The following ZDHHC2 variants were observed in gnomAD, a reference collection of about 807,000 sequenced individuals.
ZDHHC2 encodes palmitoyltransferase ZDHHC2.
A neutral mutation model predicts 55.6 loss-of-function variants in ZDHHC2; 51 were observed. The ratio of observed to expected loss-of-function variants is 0.92; its 90% CI spans 0.73 to 1.16. The LOEUF is 1.16. Among genes scored for constraint, ZDHHC2 ranks in the 50% most tolerant of loss-of-function variants. The pLI, the probability that ZDHHC2 is intolerant of heterozygous loss-of-function variation, is 0.00. For missense variants in ZDHHC2, 491 were observed against 442.4 expected, an observed-to-expected ratio of 1.11 and a Z score of -0.99; for synonymous variants, 199 against 152.9, an observed-to-expected ratio of 1.30 and a Z score of -2.22.
chr8:17,211,200 CCA>C (rs1232958938), intron 10 of ZDHHC2, among the ~76,000 whole-genome samples: 4 of 152,180 alleles, frequency 2.6e-5, no homozygotes, highest in African/African-American at 9.7e-5. Context: ...GTTTGAAACA[CCA>C]GTTTTTATAC....
intron 10 of ZDHHC2, among the ~76,000 whole-genome samples, chr8:17,214,007 G>A (rs11995192): frequency 0.16 from 24,485 of 151,972 alleles, 2,222 homozygotes; most frequent in South Asian, 0.25. Context: ...AAAAGCATAC[G>A]CATATATCCT....
chr8:17,164,936 T>C (rs1028925092), intron 1 of ZDHHC2, among the ~76,000 whole-genome samples: 37 of 152,212 alleles, frequency 2.4e-4, no homozygotes, highest in Non-Finnish European at 2.9e-5. Context: ...AAATTCAGAC[T>C]GAACTGTGTC....
intron 1 of ZDHHC2, among the ~76,000 whole-genome samples, chr8:17,165,658 TG>T (rs1379399080): frequency 1.3e-5 from 2 of 152,132 alleles, no homozygotes; most frequent in African/African-American, 4.8e-5. Flanking sequence ...CATTTCTAAT[TG>T]GGGGAAGGAA....
intron 3 of ZDHHC2, among the ~76,000 whole-genome samples, chr8:17,195,296 A>G (rs1237046125): frequency 1.3e-5 from 2 of 152,158 alleles, no homozygotes; most frequent in East Asian, 3.8e-4. Context: ...TTGTATTATG[A>G]TGATGATTAT....
intron 1 of ZDHHC2, among the ~76,000 whole-genome samples, chr8:17,163,864 C>G (rs1433207327): frequency 6.6e-6 from 1 of 152,128 alleles, no homozygotes; most frequent in Non-Finnish European, 1.5e-5. Flanking sequence ...TTTAGAAATA[C>G]TACAGAGAAT....
At chr8:17,182,527 C>T (rs1805482039) in intron 1 of ZDHHC2, among the ~76,000 whole-genome samples, 1 of 152,056 alleles carries the variant, frequency 6.6e-6, no homozygotes, top group Non-Finnish European at 1.5e-5. Flanking sequence ...CCCTTTCATT[C>T]TACAAATGTT....
intron 6 of ZDHHC2, among the ~76,000 whole-genome samples, chr8:17,202,462 C>G (rs1806838960): frequency 6.6e-6 from 1 of 152,126 alleles, no homozygotes; most frequent in Non-Finnish European, 1.5e-5. Context: ...AGTCAGAAAG[C>G]AATTGCCCAG....
intron 4 of ZDHHC2, 55 bp from the exon 5 acceptor site, chr8:17,197,527 T>C (rs1806380760): frequency 1.4e-6 from 2 of 1,419,970 alleles, no homozygotes; most frequent in African/African-American, 1.4e-5. Flanking sequence ...AGCCATTTAA[T>C]TGTATTTTCA....
At chr8:17,196,687 G>A (rs1806330216) in intron 4 of ZDHHC2, among the ~76,000 whole-genome samples, 1 of 151,994 alleles carries the variant, frequency 6.6e-6, no homozygotes, top group African/African-American at 2.4e-5. Context: ...TGGATCACCT[G>A]AGGTCAGGAG....
At chr8:17,197,901 G>C (rs1249665308) in intron 5 of ZDHHC2, among the ~76,000 whole-genome samples, 1 of 152,152 alleles carries the variant, frequency 6.6e-6, no homozygotes, top group Non-Finnish European at 1.5e-5. Flanking sequence ...TGACTTGGCT[G>C]GTTCAATTTA....
chr8:17,178,091 C>T (rs920827742), intron 1 of ZDHHC2, among the ~76,000 whole-genome samples: 1 of 152,066 alleles, frequency 6.6e-6, no homozygotes, highest in African/African-American at 2.4e-5. Context: ...TGTAGTAGCA[C>T]ACAAGTAGCC....
chr8:17,170,278 T>C (rs1427902973), intron 1 of ZDHHC2, among the ~76,000 whole-genome samples: 1 of 152,222 alleles, frequency 6.6e-6, no homozygotes, highest in Non-Finnish European at 1.5e-5. Flanking sequence ...CTGGATACTC[T>C]CGAATGTTTT....
At chr8:17,173,381 G>T (rs978407389) in intron 1 of ZDHHC2, among the ~76,000 whole-genome samples, 2 of 152,272 alleles carry the variant, frequency 1.3e-5, no homozygotes, top group African/African-American at 4.8e-5. Context: ...AACATTCAAA[G>T]AATTGAGCAC....
chr8:17,220,178 CAG>C (rs1273569511), intron 12 of ZDHHC2, 76 bp from the exon 13 acceptor site: 2 of 152,138 alleles, frequency 1.3e-5, no homozygotes, highest in East Asian at 3.8e-4. Context: ...ATTATTGAAA[CAG>C]ATTATGAAAT....
intron 1 of ZDHHC2, among the ~76,000 whole-genome samples, chr8:17,168,113 C>A (rs551609630): frequency 2.6e-5 from 4 of 152,196 alleles, no homozygotes; most frequent in Non-Finnish European, 5.9e-5. Context: ...TCAAGCTACT[C>A]TCCAAGACCC....
chr8:17,193,035 A>C (rs528769635), intron 3 of ZDHHC2, among the ~76,000 whole-genome samples: 113 of 152,320 alleles, frequency 7.4e-4, no homozygotes, highest in South Asian at 1.2e-3. Flanking sequence ...TTACGCCAGT[A>C]CCGTGCTATT....
At chr8:17,204,974 A>T (rs1258740305) in intron 6 of ZDHHC2, among the ~76,000 whole-genome samples, 1 of 152,186 alleles carries the variant, frequency 6.6e-6, no homozygotes, top group Non-Finnish European at 1.5e-5. Flanking sequence ...AGATTTATAA[A>T]TTTCCATATT....
chr8:17,189,919 C>G (rs1270658834), intron 3 of ZDHHC2, among the ~76,000 whole-genome samples: 1 of 152,110 alleles, frequency 6.6e-6, no homozygotes, highest in Non-Finnish European at 1.5e-5. Context: ...ATTAAGGTAT[C>G]TAGTGCTACT....
intron 1 of ZDHHC2, among the ~76,000 whole-genome samples, chr8:17,177,944 A>C (rs1321452966): frequency 1.3e-5 from 2 of 152,216 alleles, no homozygotes; most frequent in African/African-American, 4.8e-5. Context: ...AAGAAAATTC[A>C]GATTAAGAAA....
Sources: gnomAD v4.1 joint callset for allele counts (sites outside exome capture counted in the v4.1 genomes callset) on GRCh38, gnomAD v4.1.1 for gene constraint, MANE v1.5 for transcripts, NCBI Gene and HGNC (gene_info 2026-07-23, HGNC 2026-07-21) for gene names.